The following CSMD1 variants were observed in gnomAD, a reference collection of about 807,000 sequenced individuals.
CSMD1 encodes the protein CUB and Sushi multiple domains 1.
Under a neutral mutation model 417.5 loss-of-function variants are expected in CSMD1, and 213 were observed. The observed-to-expected ratio is 0.51, with a 90% confidence interval of 0.46 to 0.57. The LOEUF (loss-of-function observed/expected upper bound fraction) is 0.57. CSMD1 is among the 20% of genes least tolerant of loss of function. The probability of loss-of-function intolerance (pLI) is 0.00; values close to 1 mark genes in which losing one functional copy is unlikely to be tolerated. For missense variants in CSMD1, 6,923 were observed against 4,529.7 expected (o/e 1.53, Z -15.17); for synonymous variants, 2,862 against 1,736.8 (o/e 1.65, Z -16.11).
chr8:4,363,265 C>G (rs776422099), intron 3 of CSMD1, among the ~76,000 whole-genome samples: 1 of 152,176 alleles, frequency 6.6e-6, no homozygotes, highest in Non-Finnish European at 1.5e-5. Context: ...ATTATCACCC[C>G]TTAAAGGAGC....
intron 7 of CSMD1, among the ~76,000 whole-genome samples, chr8:3,688,857 G>A (rs1313459720): frequency 6.6e-6 from 1 of 151,972 alleles, no homozygotes; most frequent in Non-Finnish European, 1.5e-5. Context: ...CAATTAAAAA[G>A]AATAGAGAGA....
chr8:4,361,184 G>C (rs1308692884), intron 3 of CSMD1, among the ~76,000 whole-genome samples: 1 of 152,122 alleles, frequency 6.6e-6, no homozygotes, highest in Non-Finnish European at 1.5e-5. Flanking sequence ...TTATTAAGCT[G>C]TGAGGCTTAA....
intron 12 of CSMD1, among the ~76,000 whole-genome samples, chr8:3,439,507 C>CTGTGTGTGTGTGTGTGTG (rs61063749): frequency 6.8e-6 from 1 of 147,202 alleles, no homozygotes; most frequent in Non-Finnish European, 1.5e-5. Flanking sequence ...GTGTGTGTGT[C>CTGTGTGTGTGTGTGTGTG]TGTGTGTGTG....
chr8:3,649,586 T>G (rs1432311834), intron 7 of CSMD1, among the ~76,000 whole-genome samples: 1 of 152,082 alleles, frequency 6.6e-6, no homozygotes, highest in Non-Finnish European at 1.5e-5. Flanking sequence ...GGAGAGCCTC[T>G]TATAAAACCA....
At chr8:3,634,155 A>C (rs556537558) in intron 7 of CSMD1, among the ~76,000 whole-genome samples, 27 of 152,276 alleles carry the variant, frequency 1.8e-4, no homozygotes, top group Admixed American at 1.2e-3. Flanking sequence ...AACCCTTGGA[A>C]TGTCCTAGCT....
intron 3 of CSMD1, among the ~76,000 whole-genome samples, chr8:4,211,292 G>C (rs967758611): frequency 3.3e-5 from 5 of 151,792 alleles, no homozygotes; most frequent in African/African-American, 9.7e-5. Context: ...CTTTTCTTTG[G>C]TTCTTTTCTT....
chr8:4,630,415 T>C (rs1802441285), intron 2 of CSMD1, among the ~76,000 whole-genome samples: 1 of 152,004 alleles, frequency 6.6e-6, no homozygotes, highest in Admixed American at 6.6e-5. Flanking sequence ...TCTGAATTAA[T>C]TGGTCTTCTC....
At chr8:4,060,194 A>T (rs1379829257) in intron 3 of CSMD1, among the ~76,000 whole-genome samples, 1 of 151,848 alleles carries the variant, frequency 6.6e-6, no homozygotes, top group Admixed American at 6.6e-5. Flanking sequence ...GACAAAAACC[A>T]CATGATTATT....
chr8:3,905,627 C>A (rs900215712), intron 5 of CSMD1, among the ~76,000 whole-genome samples: 1 of 152,194 alleles, frequency 6.6e-6, no homozygotes. Flanking sequence ...TGAAAATTTA[C>A]ATTTCTAGCA....
At chr8:4,142,148 T>A (rs71523608) in intron 3 of CSMD1, among the ~76,000 whole-genome samples, 45,270 of 150,920 alleles carry the variant, frequency 0.3, 8,442 homozygotes, top group Non-Finnish European at 0.39. Context: ...AAACATATGT[T>A]AAAAATGATA....
At chr8:4,994,098 G>A (rs1811625427) in intron 1 of CSMD1, among the ~76,000 whole-genome samples, 1 of 151,928 alleles carries the variant, frequency 6.6e-6, no homozygotes. Flanking sequence ...TCTCTCCTGT[G>A]AGCCCAAGAG....
chr8:4,027,155 T>G (rs1371511789), intron 4 of CSMD1, among the ~76,000 whole-genome samples: 1 of 152,140 alleles, frequency 6.6e-6, no homozygotes, highest in Non-Finnish European at 1.5e-5. Flanking sequence ...CCAGGTGGAA[T>G]TGCACCATTT....
intron 3 of CSMD1, among the ~76,000 whole-genome samples, chr8:4,289,880 T>A (rs559878661): frequency 4.3e-4 from 65 of 152,234 alleles, no homozygotes; most frequent in African/African-American, 1.4e-3. Flanking sequence ...AAACAAGAAA[T>A]GAAAACAGGA....
intron 5 of CSMD1, among the ~76,000 whole-genome samples, chr8:3,815,021 C>G (rs903188441): frequency 2.6e-5 from 4 of 152,140 alleles, no homozygotes; most frequent in Admixed American, 2.6e-4. Context: ...AGAGACTAAA[C>G]TAAGCAATGG....
chr8:3,326,220 T>C (rs1361844098), intron 23 of CSMD1, among the ~76,000 whole-genome samples: 1 of 152,226 alleles, frequency 6.6e-6, no homozygotes, highest in African/African-American at 2.4e-5. Context: ...GCAAGGATGA[T>C]AAAACATCAT....
intron 8 of CSMD1, among the ~76,000 whole-genome samples, chr8:3,593,050 C>G (rs73179198): frequency 6.6e-6 from 1 of 152,130 alleles, no homozygotes; most frequent in Non-Finnish European, 1.5e-5. Flanking sequence ...GAAGCCCTGG[C>G]TGGGGGGTCC....
chr8:3,534,218 G>C (rs989474522), intron 10 of CSMD1, among the ~76,000 whole-genome samples: 1 of 152,126 alleles, frequency 6.6e-6, no homozygotes, highest in African/African-American at 2.4e-5. Flanking sequence ...CACGCCCTTT[G>C]CCTAGGTAGT....
chr8:4,427,420 C>G (rs1043455573), intron 2 of CSMD1, among the ~76,000 whole-genome samples: 4 of 151,962 alleles, frequency 2.6e-5, no homozygotes, highest in Non-Finnish European at 5.9e-5. Context: ...ATAGAACTCT[C>G]TTGGACTTAG....
intron 3 of CSMD1, among the ~76,000 whole-genome samples, chr8:4,100,262 T>A (rs562611954): frequency 6.6e-6 from 1 of 152,304 alleles, no homozygotes; most frequent in Admixed American, 6.5e-5. Context: ...TGCAGTTAAT[T>A]GTCATAGTAT....
Sources: gnomAD v4.1 joint callset for allele counts (sites outside exome capture counted in the v4.1 genomes callset) on GRCh38, gnomAD v4.1.1 for gene constraint, MANE v1.5 for transcripts, NCBI Gene and HGNC (gene_info 2026-07-23, HGNC 2026-07-21) for gene names.